MAP2: variants seen among roughly 807,000 people sequenced by gnomAD.
MAP2 encodes the protein microtubule-associated protein 2.
In MAP2, 14 loss-of-function variants were observed where a neutral mutation model predicts 137.6. The ratio of observed to expected loss-of-function variants is 0.10; its 90% CI spans 0.07 to 0.16. The LOEUF is 0.16. Ranked by LOEUF, MAP2 falls within the 10% of genes least tolerant of loss-of-function variation. The pLI, the probability that MAP2 is intolerant of heterozygous loss-of-function variation, is 1.00. For missense variants in MAP2, 2,088 were observed against 2,191.5 expected (o/e 0.95, Z 0.94); for synonymous variants, 786 against 782.3 (o/e 1.00, Z -0.08).
chr2:209,570,662 C>T (rs377578993), intron 2 of MAP2, among the ~76,000 whole-genome samples: 1 of 151,494 alleles, frequency 6.6e-6, no homozygotes, highest in African/African-American at 2.4e-5. Context: ...TATATGTTGG[C>T]GATTCTGAGA....
At chr2:209,684,632 A>T (rs1410145573) in intron 7 of MAP2, 1 of 152,228 alleles carries the variant, frequency 6.6e-6, no homozygotes, top group Non-Finnish European at 1.5e-5. Context: ...AAAGCAAACT[A>T]GGGAAACTTT....
intron 4 of MAP2, among the ~76,000 whole-genome samples, chr2:209,630,091 T>C (rs1040949100): frequency 3.3e-5 from 5 of 152,096 alleles, no homozygotes; most frequent in African/African-American, 1.2e-4. Context: ...TTAAAAATGG[T>C]GGTCCAGGCA....
intron 1 of MAP2, among the ~76,000 whole-genome samples, chr2:209,439,650 T>G (rs1697264041): frequency 6.6e-6 from 1 of 151,398 alleles, no homozygotes; most frequent in South Asian, 2.1e-4. Context: ...CAATTGTAGC[T>G]CCATAGAAAA....
chr2:209,594,119 G>A (rs1021837299), intron 3 of MAP2, among the ~76,000 whole-genome samples: 9 of 129,174 alleles, frequency 7.0e-5, no homozygotes, highest in African/African-American at 2.7e-4. Flanking sequence ...CTGCACTCCG[G>A]CCTCGGTAAC....
chr2:209,630,294 C>T (rs908266877), intron 4 of MAP2, among the ~76,000 whole-genome samples: 3 of 151,908 alleles, frequency 2.0e-5, no homozygotes, highest in Non-Finnish European at 2.9e-5. Flanking sequence ...CTCTGGGGCT[C>T]CTCAGCCCGA....
intron 11 of MAP2, among the ~76,000 whole-genome samples, chr2:209,701,213 G>T (rs1203266065): frequency 6.6e-6 from 1 of 151,678 alleles, no homozygotes; most frequent in African/African-American, 2.4e-5. Flanking sequence ...GTTCATATTT[G>T]TTATTATTAC....
chr2:209,464,791 C>T (rs1703723156), intron 1 of MAP2, among the ~76,000 whole-genome samples: 1 of 152,032 alleles, frequency 6.6e-6, no homozygotes, highest in African/African-American at 2.4e-5. Flanking sequence ...AATACAATGA[C>T]ATTAATTAAA....
intron 12 of MAP2, among the ~76,000 whole-genome samples, chr2:209,709,076 T>C (rs1022209828): frequency 1.3e-5 from 2 of 152,076 alleles, no homozygotes; most frequent in African/African-American, 4.8e-5. Flanking sequence ...GGGGTGGGAA[T>C]AATAATAATA....
chr2:209,460,190 T>C (rs541681934), intron 1 of MAP2, among the ~76,000 whole-genome samples: 1 of 152,228 alleles, frequency 6.6e-6, no homozygotes, highest in Non-Finnish European at 1.5e-5. Flanking sequence ...GTTTCCTCAA[T>C]AAATTCTGGA....
Position 209,530,616 on chromosome 2 carries a change from C to G in MAP2, c.-172+22975C>G, listed in dbSNP as rs140997779. On this transcript the variant is annotated intron_variant, in intron 2 of 15. Transcript: ENST00000682079. ...TATTCATGAGGATGTGTATTTTTCT[C>G]AGCTTGAATTAAATCATAAATTCTA... Among the ~76,000 whole-genome samples, 58 of 152,270 alleles carry G rather than the reference C, an allele frequency of 3.8e-4. No individual in the cohort carries two copies. In the East Asian group the frequency reaches 4.2e-3, roughly 11 times the overall value.
chr2:209,613,203 GAAA>G (rs1209264577), intron 3 of MAP2, among the ~76,000 whole-genome samples: 2 of 152,036 alleles, frequency 1.3e-5, no homozygotes, highest in Non-Finnish European at 2.9e-5. Flanking sequence ...GAGGCAAAGA[GAAA>G]GCCACAAATG....
Position 209,700,144 on chromosome 2 carries a change from G to A in MAP2, c.4523-133G>A, listed in dbSNP as rs957810345. The A allele has an allele frequency of 1.1e-5, 7 of 631,150 alleles. No individual in the cohort carries two copies. The African/African-American group carries it at 1.3e-4, about 12-fold the overall frequency. 39.1% of individuals were successfully genotyped at this position (631,150 alleles called of 1,614,324 possible). On this transcript the variant is annotated intron_variant, in intron 10 of 15. Transcript: ENST00000682079. ...TCATGTTACTTGAGTTATTGAATTT[G>A]AGTCTCATAATAAGCAAACTTTTGC... is the stretch of plus-strand genomic sequence containing the variant.
chr2:209,693,598 C>G lies in MAP2; in HGVS notation c.1428C>G (p.Ser476=). The change falls in exon 8 of 16, where the codon TCC becomes TCG. Residue 476 remains serine, a synonymous_variant. Coordinates refer to ENST00000682079, the MANE Select transcript of MAP2 (RefSeq NM_001375505.1). ...AAGAAATAGGCATAATTCAGACCTC[C>G]ACAGAGCACACTTTCTCAGAACAGA... is the stretch of plus-strand genomic sequence containing the variant. ...ADEEIGIIQT[S]TEHTFSEQKD... is the part of the protein sequence containing the mutation. 1 of 1,613,970 alleles carries G rather than the reference C, an allele frequency of 6.2e-7. No homozygotes were observed. Among genetic ancestry groups the G allele is most frequent in the Non-Finnish European group, 8.5e-7 (1 of 1,180,000 alleles).
intron 6 of MAP2, 60 bp from the exon 7 acceptor site, chr2:209,680,690 C>A: frequency 7.1e-7 from 1 of 1,401,676 alleles, no homozygotes; most frequent in Non-Finnish European, 1.0e-6. Context: ...ACTTCCTACA[C>A]ATCTACCAGC....
intron 2 of MAP2, among the ~76,000 whole-genome samples, chr2:209,558,861 T>C (rs1056063126): frequency 1.3e-5 from 2 of 152,086 alleles, no homozygotes; most frequent in African/African-American, 4.8e-5. Context: ...ATTTGCTTAC[T>C]GATCATTAGG....
intron 1 of MAP2, among the ~76,000 whole-genome samples, chr2:209,477,735 G>A (rs941090978): frequency 2.0e-5 from 3 of 151,814 alleles, no homozygotes; most frequent in African/African-American, 7.3e-5. Context: ...GGTGGCTCAC[G>A]CCTATAATCC....
chr2:209,625,632 C>G (rs976291532), intron 4 of MAP2, among the ~76,000 whole-genome samples: 6 of 152,116 alleles, frequency 3.9e-5, no homozygotes, highest in African/African-American at 1.4e-4. Context: ...AGGCACTGGA[C>G]AGAACACCAG....
chr2:209,511,079 A>G (rs1360151576), intron 2 of MAP2, among the ~76,000 whole-genome samples: 3 of 152,118 alleles, frequency 2.0e-5, no homozygotes, highest in Non-Finnish European at 4.4e-5. Context: ...ATTACTCTAC[A>G]AATCTAAAAG....
chr2:209,538,667 C>T (rs543508487), intron 2 of MAP2, among the ~76,000 whole-genome samples: 51 of 149,360 alleles, frequency 3.4e-4, no homozygotes, highest in African/African-American at 1.2e-3. Context: ...GATTAAAATA[C>T]GTATCAAACT....
Sources: allele counts gnomAD v4.1 joint callset (sites outside exome capture counted in the v4.1 genomes callset), GRCh38; gene constraint gnomAD v4.1.1; transcripts MANE v1.5; gene names NCBI Gene and HGNC (gene_info 2026-07-23, HGNC 2026-07-21).